The following DIAPH2 variants were observed in gnomAD, a reference collection of about 807,000 sequenced individuals.
DIAPH2 encodes diaphanous related formin 2.
Under a neutral mutation model 92.7 loss-of-function variants are expected in DIAPH2, and 35 were observed. That is an observed-to-expected ratio of 0.38 (90% CI 0.29 to 0.50). DIAPH2 has a LOEUF of 0.50. Ranked by LOEUF, DIAPH2 falls within the 20% of genes least tolerant of loss-of-function variation. The pLI is 0.94. For synonymous variants in DIAPH2, 301 were observed against 280.4 expected (o/e 1.07, Z -0.73); for missense variants, 701 against 819.5 (o/e 0.86, Z 1.77).
intron 26 of DIAPH2, among the ~76,000 whole-genome samples, chrX:97,518,270 A>G (rs764223246): frequency 9.0e-6 from 1 of 111,704 alleles, no homozygotes; most frequent in South Asian, 3.8e-4. Flanking sequence ...AAACTTACAT[A>G]AACAGTGAGT....
At chrX:96,853,312 C>A (rs2065016572) in intron 4 of DIAPH2, among the ~76,000 whole-genome samples, 1 of 111,704 alleles carries the variant, frequency 9.0e-6, no homozygotes, top group Non-Finnish European at 1.9e-5. Flanking sequence ...TTATTATAGA[C>A]ATGAATTAAC....
intron 26 of DIAPH2, among the ~76,000 whole-genome samples, chrX:97,541,910 G>A (rs1282685265): frequency 8.9e-6 from 1 of 112,728 alleles, no homozygotes; most frequent in African/African-American, 3.2e-5. Context: ...AAATAAAAAT[G>A]TATAATTTAA....
At chrX:97,224,134 G>A (rs1165938641) in intron 22 of DIAPH2, among the ~76,000 whole-genome samples, 2 of 111,706 alleles carry the variant, frequency 1.8e-5, no homozygotes, top group Admixed American at 9.5e-5. Context: ...TTAGGCTATG[G>A]CAACAAATGC....
intron 1 of DIAPH2, among the ~76,000 whole-genome samples, chrX:96,691,213 ACCCAAC>A (rs2063796655): frequency 9.0e-6 from 1 of 111,432 alleles, no homozygotes; most frequent in East Asian, 2.8e-4. Flanking sequence ...ATTGTTGAAG[ACCCAAC>A]TCCAGTCTAC....
At chrX:97,439,843 A>AGGTGG (rs1156810499) in intron 26 of DIAPH2, among the ~76,000 whole-genome samples, 2 of 111,561 alleles carry the variant, frequency 1.8e-5, no homozygotes, top group Non-Finnish European at 3.8e-5. Flanking sequence ...AGTCAGGAGC[A>AGGTGG]GGTGGGTGGT....
chrX:97,008,570 T>C (rs760106246), intron 17 of DIAPH2, among the ~76,000 whole-genome samples: 7 of 111,708 alleles, frequency 6.3e-5, no homozygotes, highest in African/African-American at 2.3e-4. Context: ...GGGAAGACTT[T>C]TCAGGTATTT....
intron 25 of DIAPH2, among the ~76,000 whole-genome samples, chrX:97,388,895 G>A (rs1282591980): frequency 9.0e-6 from 1 of 111,442 alleles, no homozygotes; most frequent in Non-Finnish European, 1.9e-5. Flanking sequence ...AAAGAATAAT[G>A]TCATAAATCT....
chrX:97,528,162 T>C (rs987342816), intron 26 of DIAPH2, among the ~76,000 whole-genome samples: 4 of 112,567 alleles, frequency 3.6e-5, no homozygotes, highest in African/African-American at 1.3e-4. Flanking sequence ...ATAAATGTCC[T>C]AAATAGAGAT....
intron 25 of DIAPH2, among the ~76,000 whole-genome samples, chrX:97,389,793 C>T (rs2069639098): frequency 9.1e-6 from 1 of 109,974 alleles, no homozygotes; most frequent in African/African-American, 3.3e-5. Flanking sequence ...TCAAGGAGTT[C>T]TGGGCTGGGA....
intron 19 of DIAPH2, among the ~76,000 whole-genome samples, chrX:97,078,498 G>A (rs1235349556): frequency 1.8e-5 from 2 of 111,271 alleles, no homozygotes; most frequent in East Asian, 5.6e-4. Context: ...GTACCTCTAA[G>A]TTTTTCACTA....
intron 5 of DIAPH2, among the ~76,000 whole-genome samples, chrX:96,886,058 T>A (rs758404960): frequency 3.6e-4 from 40 of 111,105 alleles, no homozygotes; most frequent in African/African-American, 1.2e-3. Flanking sequence ...TTGTTTTATA[T>A]CCTTGAGGAT....
chrX:97,349,084 T>TA (rs1569369811), intron 24 of DIAPH2, among the ~76,000 whole-genome samples: 17 of 47,673 alleles, frequency 3.6e-4, no homozygotes, highest in African/African-American at 9.4e-4. Context: ...ATATATATAT[T>TA]TTTTTTTTTT....
intron 19 of DIAPH2, among the ~76,000 whole-genome samples, chrX:97,093,280 A>T (rs2066840740): frequency 9.0e-6 from 1 of 111,202 alleles, no homozygotes. Flanking sequence ...GGGTAGGTAT[A>T]TGTAAAATAG....
intron 22 of DIAPH2, among the ~76,000 whole-genome samples, chrX:97,228,894 A>G (rs1360325747): frequency 1.8e-5 from 2 of 112,124 alleles, no homozygotes; most frequent in Non-Finnish European, 1.9e-5. Context: ...ATTTAAAGAA[A>G]CAGTTTAAAT....
chrX:97,025,856 T>G (rs893507826), intron 17 of DIAPH2, among the ~76,000 whole-genome samples: 3 of 111,692 alleles, frequency 2.7e-5, no homozygotes, highest in Non-Finnish European at 5.6e-5. Flanking sequence ...GTTAAGAGTT[T>G]CTCCTCCATT....
chrX:97,336,865 C>T lies in DIAPH2; in HGVS notation c.2845-11251C>T, dbSNP rs141534017. ...AAGTGGGTAGAGAAAATTAAGAGTG[C>T]TGAGTGTACTTCTTATCTCTCTAAT... On this transcript the variant is annotated intron_variant, in intron 23 of 26. Transcript: ENST00000324765. 6.9e-3 allele frequency among the ~76,000 whole-genome samples: 769 copies of T among 111,540 alleles called. 9 individuals carry two copies. The highest frequency in any genetic ancestry group is 0.024 in the African/African-American group (741 of 30,732).
At chrX:97,027,908 C>G (rs1234999130) in intron 17 of DIAPH2, among the ~76,000 whole-genome samples, 1 of 111,694 alleles carries the variant, frequency 9.0e-6, no homozygotes, top group Non-Finnish European at 1.9e-5. Flanking sequence ...ACATCCAGGT[C>G]TTTATTTTGA....
intron 25 of DIAPH2, among the ~76,000 whole-genome samples, chrX:97,402,785 T>C (rs1370640159): frequency 8.9e-6 from 1 of 112,285 alleles, no homozygotes; most frequent in African/African-American, 3.2e-5. Flanking sequence ...ATTCTTCCTT[T>C]ATATGATTTT....
At chrX:96,748,375 A>G (rs1222561379) in intron 3 of DIAPH2, among the ~76,000 whole-genome samples, 1 of 111,975 alleles carries the variant, frequency 8.9e-6, no homozygotes, top group East Asian at 2.8e-4. Context: ...TTTCCATAGC[A>G]CTAGGATAGC....
Sources: allele counts gnomAD v4.1 joint callset (sites outside exome capture counted in the v4.1 genomes callset), GRCh38; gene constraint gnomAD v4.1.1; transcripts MANE v1.5; gene names NCBI Gene and HGNC (gene_info 2026-07-23, HGNC 2026-07-21).